The following L3MBTL4 variants were observed in gnomAD, a reference collection of about 807,000 sequenced individuals.
L3MBTL4 encodes the protein lethal(3)malignant brain tumor-like protein 4.
A neutral mutation model predicts 84.5 loss-of-function variants in L3MBTL4; 70 were observed. The observed-to-expected ratio is 0.83, with a 90% CI of 0.68 to 1.01. The LOEUF is 1.01. Ranked by LOEUF, L3MBTL4 falls within the 50% of genes least tolerant of loss-of-function variation. L3MBTL4 has a pLI of 0.00. For missense variants in L3MBTL4, 715 were observed against 754.8 expected (o/e 0.95, Z 0.62); for synonymous variants, 274 against 259.8 (o/e 1.05, Z -0.52).
chr18:6,102,946 AGT>A (rs147077949), intron 14 of L3MBTL4, among the ~76,000 whole-genome samples: 2 of 152,098 alleles, frequency 1.3e-5, no homozygotes, highest in African/African-American at 4.8e-5. Flanking sequence ...AGAGAGCGAG[AGT>A]GTGTGTGTGT....
In L3MBTL4 at chr18:6,117,451, C is replaced by T. The variant is rs113380425; in HGVS notation, c.1199+20743G>A. 2.1e-3 allele frequency among the ~76,000 whole-genome samples: 318 copies of T among 152,306 alleles called. 3 individuals carry two copies. Among genetic ancestry groups the T allele is most frequent in the African/African-American group, 7.2e-3 (299 of 41,570 alleles). On this transcript the variant is annotated intron_variant, in intron 14 of 18. Transcript: ENST00000317931. ...GAGGTCTGAGCAGAGCCACAGAACA[C>T]GGCTCTAAGCTGCCAACAGCAACTG...
chr18:6,413,048 G>A (rs1439458043), intron 1 of L3MBTL4, among the ~76,000 whole-genome samples: 1 of 152,064 alleles, frequency 6.6e-6, no homozygotes, highest in Non-Finnish European at 1.5e-5. Flanking sequence ...TGGTACCACT[G>A]CACTTCAGCC....
At chr18:5,965,978 C>T (rs1161966315) in intron 17 of L3MBTL4, among the ~76,000 whole-genome samples, 13 of 152,172 alleles carry the variant, frequency 8.5e-5, no homozygotes, top group Non-Finnish European at 1.5e-5. Context: ...TCTAGAAAAG[C>T]TCTAAGGCCT....
At chr18:6,314,867 A>G (rs405578) in intron 1 of L3MBTL4, among the ~76,000 whole-genome samples, 7,338 of 152,316 alleles carry the variant, frequency 0.048, 205 homozygotes, top group East Asian at 0.11. Flanking sequence ...CTTGAGGAAT[A>G]TGAAGCTGAT....
chr18:6,307,986 C>A (rs563067907), intron 3 of L3MBTL4, among the ~76,000 whole-genome samples: 6 of 151,904 alleles, frequency 3.9e-5, no homozygotes, highest in Non-Finnish European at 7.4e-5. Context: ...GGGTTTTGTG[C>A]GCAGAACGCT....
At chr18:6,405,602 G>A (rs994268619) in intron 1 of L3MBTL4, among the ~76,000 whole-genome samples, 2 of 152,106 alleles carry the variant, frequency 1.3e-5, no homozygotes, top group Non-Finnish European at 2.9e-5. Context: ...TACAGGAAAT[G>A]AGCCCGAGGG....
rs572835579 is a variant in L3MBTL4, at chr18:6,404,232, C to T, written c.-91+10569G>A. Among the ~76,000 whole-genome samples, 4 of 152,200 alleles carry T rather than the reference C, an allele frequency of 2.6e-5. 1 individual carries two copies. The highest frequency in any genetic ancestry group is 6.5e-5 in the Admixed American group (1 of 15,290). The stretch of plus-strand genomic sequence containing the variant: ...ATGTGATAAAAACCACCTGTTCCCC[C>T]GAAAAGCTGTTGAAATAATTTTTAA... On this transcript the variant is annotated intron_variant, in intron 1 of 18. Transcript: ENST00000317931.
chr18:6,098,252 G>A (rs2058703601), intron 14 of L3MBTL4, among the ~76,000 whole-genome samples: 2 of 152,162 alleles, frequency 1.3e-5, no homozygotes, highest in Non-Finnish European at 2.9e-5. Context: ...TAACCAAGTT[G>A]TCACGACTTA....
rs114200860 is a variant in L3MBTL4, at chr18:6,284,419, C to T, written c.127+17484G>A. Among the ~76,000 whole-genome samples, 996 of 152,304 alleles carry T rather than the reference C, an allele frequency of 6.5e-3. 11 individuals carry two copies. The highest frequency in any genetic ancestry group is 0.023 in the African/African-American group (967 of 41,564). On this transcript the variant is annotated intron_variant, in intron 4 of 18. Coordinates refer to ENST00000317931, the MANE Select transcript of L3MBTL4 (RefSeq NM_001330559.2). ...ACACGACCATCACATGGCTGTCCCT[C>T]CTGGGAAAGTCGAAGCCAAAGACGA...
In L3MBTL4 at chr18:5,969,460, T is replaced by C; in HGVS notation, c.1547A>G (p.His516Arg). 6.2e-7 allele frequency: 1 copy of C among 1,613,868 alleles called. No individual in the cohort carries two copies. Among genetic ancestry groups the C allele is most frequent in the Non-Finnish European group, 8.5e-7 (1 of 1,179,998 alleles). The change falls in exon 17 of 19, where the codon CAC (histidine) becomes CGC (arginine). Residue 516 changes from histidine (H) to arginine (R), a missense_variant. His to Arg is a conservative substitution (Grantham distance 29). Coordinates refer to ENST00000317931, the MANE Select transcript of L3MBTL4 (RefSeq NM_001330559.2). ...AGCCACGCCTGGAAGCAACTTGCAG[T>C]GTTGCTCCCTGCCGAGGGGAAGGTC... ...FRDLPLGREQ[H>R]CKLLPGVADI...
chr18:5,957,660 A>G (rs1463871802), intron 18 of L3MBTL4, among the ~76,000 whole-genome samples: 1 of 151,988 alleles, frequency 6.6e-6, no homozygotes, highest in Non-Finnish European at 1.5e-5. Flanking sequence ...TTCAAATTTA[A>G]TAATACAAAC....
intron 16 of L3MBTL4, among the ~76,000 whole-genome samples, chr18:6,063,405 T>C (rs1434552698): frequency 6.6e-6 from 1 of 151,690 alleles, no homozygotes; most frequent in Non-Finnish European, 1.5e-5. Flanking sequence ...CTGGATCAAA[T>C]GGTAGTTCTA....
At chr18:6,010,527 G>A (rs2054685586) in intron 16 of L3MBTL4, among the ~76,000 whole-genome samples, 1 of 152,150 alleles carries the variant, frequency 6.6e-6, no homozygotes, top group Non-Finnish European at 1.5e-5. Context: ...ACTTGCATGT[G>A]CGGTATTAAT....
Position 5,956,331 on chromosome 18 carries a change from C to T in L3MBTL4, c.1734G>A (p.Met578Ile), listed in dbSNP as rs752483556. The T allele has an allele frequency of 1.2e-6, 2 of 1,614,136 alleles. No homozygotes were observed. Among genetic ancestry groups the T allele is most frequent in the East Asian group, 2.2e-5 (1 of 44,874 alleles). ...LLTQTDIVKVMKIKLGPALKI... is the reference protein window; with the variant it reads ...LLTQTDIVKVIKIKLGPALKI... The stretch of plus-strand genomic sequence containing the variant: ...TCAGTGCTGGGCCCAGTTTGATCTT[C>T]ATCACTTTGACAATGTCCGTCTGTG... Residue 578 changes from methionine to isoleucine, a missense_variant, in exon 19 of 19, where the codon ATG becomes ATA. Physicochemically the swap from Met to Ile is conservative, Grantham distance 10. Transcript: ENST00000317931.
At chr18:6,146,921 A>T (rs974318345) in intron 13 of L3MBTL4, among the ~76,000 whole-genome samples, 1 of 151,960 alleles carries the variant, frequency 6.6e-6, no homozygotes, top group African/African-American at 2.4e-5. Flanking sequence ...ATGTGTGCAG[A>T]TGATGGGGCG....
At chr18:6,185,557 T>C (rs1333624703) in intron 12 of L3MBTL4, among the ~76,000 whole-genome samples, 1 of 152,120 alleles carries the variant, frequency 6.6e-6, no homozygotes, top group African/African-American at 2.4e-5. Context: ...TGAGCTATCC[T>C]GGGTTCTCCC....
At chr18:6,383,231 T>A (rs2054672599) in intron 1 of L3MBTL4, among the ~76,000 whole-genome samples, 1 of 152,066 alleles carries the variant, frequency 6.6e-6, no homozygotes, top group Non-Finnish European at 1.5e-5. Context: ...ACCCACTGGA[T>A]CTTAGTTTGC....
intron 13 of L3MBTL4, among the ~76,000 whole-genome samples, 166 bp downstream of exon 13, chr18:6,171,662 C>T (rs1415752578): frequency 6.6e-6 from 1 of 152,210 alleles, no homozygotes; most frequent in Non-Finnish European, 1.5e-5. Context: ...AACGCATGCC[C>T]TTTGAGGCTT....
chr18:6,266,598 G>C (rs1335528044), intron 4 of L3MBTL4, among the ~76,000 whole-genome samples: 1 of 152,106 alleles, frequency 6.6e-6, no homozygotes, highest in Non-Finnish European at 1.5e-5. Flanking sequence ...TCCATCAATT[G>C]GGCAGGAATA....
Sources: allele counts gnomAD v4.1 joint callset (sites outside exome capture counted in the v4.1 genomes callset), GRCh38; gene constraint gnomAD v4.1.1; transcripts MANE v1.5; gene names NCBI Gene and HGNC (gene_info 2026-07-23, HGNC 2026-07-21).